Variants in SUGP2 observed in about 807,000 individuals in gnomAD.
SUGP2 encodes the protein SURP and G-patch domain containing 2, also known as SURP and G-patch domain-containing protein 2.
SUGP2 carries 24 observed loss-of-function variants against 90.5 expected under a neutral mutation model. That is an observed-to-expected ratio of 0.27 (90% CI 0.19 to 0.37). The LOEUF (loss-of-function observed/expected upper bound fraction) is 0.37, where lower values mean the gene tolerates loss of function less well. Among genes scored for constraint, SUGP2 ranks in the 10% least tolerant of loss-of-function variants. The probability of loss-of-function intolerance (pLI) is 1.00; values close to 1 mark genes in which losing one functional copy is unlikely to be tolerated. For missense variants in SUGP2, 1,233 were observed against 1,363.3 expected, an observed-to-expected ratio of 0.90 and a Z score of 1.51; for synonymous variants, 473 against 513.4, an observed-to-expected ratio of 0.92 and a Z score of 1.06.
intron 8 of SUGP2, among the ~76,000 whole-genome samples, chr19:18,997,845 G>C (rs888338513): frequency 2.7e-5 from 4 of 150,558 alleles, no homozygotes; most frequent in African/African-American, 9.7e-5. Flanking sequence ...ATAGCACTTT[G>C]ACAGGTGGGA....
Position 19,024,857 on chromosome 19 carries a change from T to C in SUGP2, c.1491A>G (p.Lys497=). 1 of 1,614,146 alleles carries C rather than the reference T, an allele frequency of 6.2e-7. No homozygotes were observed. ...CTTGCAGGCCGACAGCTTCTAAGAT[T>C]TTCTCCTGCCGGAAAGAAGAGGCCA... ...FSLASSFRQE[K]ILEAVGLQDI... is the part of the protein sequence containing the mutation. Residue 497 remains lysine (K), a synonymous_variant, in exon 3 of 11, where the codon AAA becomes AAG. Coordinates refer to ENST00000452918, the MANE Select transcript of SUGP2 (RefSeq NM_001017392.5).
At position 18,992,194 on chromosome 19, in the gene SUGP2, GCGCCCGCCACCA is replaced by G. The variant is rs1460357144; in HGVS notation, c.*1535_*1546del. ...GCCTCCTGAGTAGCTGGGACTACAA[GCGCCCGCCACCA>G]CGCCCAGCTAATTTTTTGCATTTTT... On this transcript the variant is annotated 3_prime_UTR_variant, in exon 11 of 11. Transcript: ENST00000452918. The G allele has an allele frequency of 4.0e-5, 6 of 151,790 alleles. No individual in the cohort carries two copies. The highest frequency in any genetic ancestry group is 8.8e-5 in the Non-Finnish European group (6 of 68,074). The allele number at this position is 151,790 out of a possible 1,614,324, so 9.4% of individuals were successfully genotyped here.
At chr19:19,002,357 G>A (rs2057869804) in intron 7 of SUGP2, among the ~76,000 whole-genome samples, 1 of 150,954 alleles carries the variant, frequency 6.6e-6, no homozygotes. Flanking sequence ...TCCAGCCTGG[G>A]CGACAAGAAC....
chr19:19,007,294 C>T (rs2058114831), intron 6 of SUGP2: 2 of 152,236 alleles, frequency 1.3e-5, no homozygotes, highest in Non-Finnish European at 1.5e-5. Context: ...GCTGTCAGAC[C>T]TGGGCAAGGG....
Position 18,995,125 on chromosome 19 carries a change from C to T in SUGP2, c.3128+19G>A. Reference sequence around the variant, plus strand: ...ACTGAGGCCCCACCCACTCCCACCCCAGGCTGCCTGCTGCGTACACGCTGA... The same window carrying T: ...ACTGAGGCCCCACCCACTCCCACCCTAGGCTGCCTGCTGCGTACACGCTGA... On this transcript the variant is annotated intron_variant, in intron 9 of 10. Transcript: ENST00000452918. The T allele has an allele frequency of 6.2e-7, 1 of 1,606,568 alleles. No homozygotes were observed. The highest frequency in any genetic ancestry group is 1.1e-5 in the South Asian group (1 of 90,144).
At position 19,024,777 on chromosome 19, in the gene SUGP2, CCAAA is replaced by C; in HGVS notation, c.1567_1570del (p.Phe523GlyfsTer5). The C allele has an allele frequency of 6.2e-7, 1 of 1,614,134 alleles. No individual in the cohort carries two copies. Among genetic ancestry groups the C allele is most frequent in the Non-Finnish European group, 8.5e-7 (1 of 1,180,038 alleles). ...CTTCAGGTGGTCTATGTACTCTCGC[CCAAA>C]CAAAGTGGAGTCTTCGAAGTTTGGA... On this transcript the variant is annotated frameshift_variant, in exon 3 of 11. Transcript: ENST00000452918. LOFTEE classifies it high-confidence loss of function.
At chr19:18,994,702 T>C (rs1290601602) in intron 9 of SUGP2, 3 of 612,996 alleles carry the variant, frequency 4.9e-6, no homozygotes, top group Non-Finnish European at 8.3e-6. Context: ...AGGGCCCTGG[T>C]TACCTCGGAA....
chr19:18,996,575 C>T (rs564718497), intron 8 of SUGP2, among the ~76,000 whole-genome samples: 3 of 150,780 alleles, frequency 2.0e-5, no homozygotes, highest in South Asian at 4.2e-4. Flanking sequence ...TTTTTTAAGA[C>T]GGAGTCTTGC....
intron 1 of SUGP2, chr19:19,033,179 G>T: frequency 4.6e-6 from 1 of 217,338 alleles, no homozygotes; most frequent in Non-Finnish European, 8.3e-6. Flanking sequence ...CGGGAGGAAT[G>T]AATGAACGAC....
rs2058261270 is a variant in SUGP2, at chr19:19,010,313, T to C, written c.1880A>G (p.Tyr627Cys). Residue 627 changes from tyrosine to cysteine, a missense_variant, in exon 5 of 11, where the codon TAT (tyrosine) becomes TGT (cysteine). Around this residue, in one of 8 missense-constraint regions of SUGP2, gnomAD observed 540 missense variants for 542.6 expected, o/e 1.00. Coordinates refer to ENST00000452918, the MANE Select transcript of SUGP2 (RefSeq NM_001017392.5). Reference protein sequence around the residue: ...WFLSDENSLEYKYYKLKLAEM... With the variant: ...WFLSDENSLECKYYKLKLAEM... ...TGCCAACTTCAGCTTGTAATATTTATACTCCAGACTATTTTCATCAGACAA... is the reference window on the plus strand; with the variant it reads ...TGCCAACTTCAGCTTGTAATATTTACACTCCAGACTATTTTCATCAGACAA... 5 of 1,612,588 alleles carry C rather than the reference T, an allele frequency of 3.1e-6. No homozygotes were observed. Among genetic ancestry groups the C allele is most frequent in the Non-Finnish European group, 3.4e-6 (4 of 1,179,752 alleles).
At position 19,024,695 on chromosome 19, in the gene SUGP2, C is replaced by A; in HGVS notation, c.1653G>T (p.Pro551=). The A allele has an allele frequency of 6.2e-7, 1 of 1,614,196 alleles. No homozygotes were observed. Among genetic ancestry groups the A allele is most frequent in the Non-Finnish European group, 8.5e-7 (1 of 1,180,042 alleles). ...GAATCATTTTCTCCTCCTCTCGCAT[C>A]GGCTCTGGTTCGGCTTTCTTAACCT... ...PLQVKKAEPE[P]MREEEKMIPP... Residue 551 remains proline (P), a synonymous_variant, in exon 3 of 11, where the codon CCG becomes CCT. Coordinates refer to ENST00000452918, the MANE Select transcript of SUGP2 (RefSeq NM_001017392.5).
Position 18,993,470 on chromosome 19 carries a change from A to AG in SUGP2, c.*270dup, listed in dbSNP as rs994863840. ...TTTCGGGGGCAGCGCCACCTTCTGAAGGGGAACCAAGACAGATTTGGAGGG... is the reference window on the plus strand; with the variant it reads ...TTTCGGGGGCAGCGCCACCTTCTGAAGGGGGAACCAAGACAGATTTGGAGGG... On this transcript the variant is annotated 3_prime_UTR_variant, in exon 11 of 11. Transcript: ENST00000452918. 1 of 152,260 alleles carries AG rather than the reference A, an allele frequency of 6.6e-6. No individual in the cohort carries two copies. Among genetic ancestry groups the AG allele is most frequent in the African/African-American group, 2.4e-5 (1 of 41,450 alleles). The allele number at this position is 152,260 out of a possible 1,614,324, so 9.4% of individuals were successfully genotyped here. A position where few individuals can be genotyped will look rare whatever the true frequency, so the allele number is the denominator to read the frequency against.
chr19:18,994,317 A>T (rs1240208553), intron 10 of SUGP2, 49 bp downstream of exon 10: 2 of 1,589,504 alleles, frequency 1.3e-6, no homozygotes, highest in Non-Finnish European at 1.7e-6. Context: ...TCTGCATACC[A>T]GCACGCCAGC....
rs763924180 is a variant in SUGP2 at position 19,025,301 on chromosome 19, T to G, written c.1047A>C (p.Gln349His). The G allele has an allele frequency of 6.2e-7, 1 of 1,613,146 alleles. No individual in the cohort carries two copies. Among genetic ancestry groups the G allele is most frequent in the African/African-American group, 1.3e-5 (1 of 74,838 alleles). The change falls in exon 3 of 11, where the codon CAA (glutamine) becomes CAC (histidine). Residue 349 changes from glutamine (Q) to histidine (H), a missense_variant. Physicochemically the swap from Gln to His is conservative, Grantham distance 24. Around this residue, in one of 8 missense-constraint regions of SUGP2, gnomAD observed 55 missense variants for 82.0 expected, o/e 0.67. Transcript: ENST00000452918. ...HTIKDDIKFS[Q>H]LFQTLFELET... ...CAAGTTCAAAGAGAGTCTGGAAAAG[T>G]TGGGAAAATTTAATATCATCTTTTA...
At position 18,994,528 on chromosome 19, in the gene SUGP2, G is replaced by C. The variant is rs201880547; in HGVS notation, c.3129-42C>G. On this transcript the variant is annotated intron_variant, in intron 9 of 10. Coordinates refer to ENST00000452918, the MANE Select transcript of SUGP2 (RefSeq NM_001017392.5). ...AGAGTCAGTTGTGCACCTGAGCCCAGGGCCTGGCATGCCAGGAACTGGGCA... is the reference window on the plus strand; with the variant it reads ...AGAGTCAGTTGTGCACCTGAGCCCACGGCCTGGCATGCCAGGAACTGGGCA... 1.9e-6 allele frequency: 3 copies of C among 1,607,078 alleles called. No individual in the cohort carries two copies. In the East Asian group the frequency reaches 6.7e-5, roughly 36 times the overall value.
At chr19:19,015,042 A>G (rs2058446420) in intron 4 of SUGP2, among the ~76,000 whole-genome samples, 1 of 151,886 alleles carries the variant, frequency 6.6e-6, no homozygotes. Context: ...TCTACTAAAA[A>G]TACAAAAAAA....
At chr19:19,001,984 T>C (rs2057852492) in intron 7 of SUGP2, among the ~76,000 whole-genome samples, 1 of 152,176 alleles carries the variant, frequency 6.6e-6, no homozygotes, top group South Asian at 2.1e-4. Context: ...AAAGATCCAA[T>C]ACATGGATTA....
intron 1 of SUGP2, among the ~76,000 whole-genome samples, chr19:19,031,349 C>T (rs1230538846): frequency 6.6e-6 from 1 of 152,046 alleles, no homozygotes; most frequent in Admixed American, 6.6e-5. Context: ...GCCTGGCCAA[C>T]ATGGCAAAAC....
chr19:19,014,537 C>A (rs2058423088), intron 4 of SUGP2, among the ~76,000 whole-genome samples: 1 of 151,942 alleles, frequency 6.6e-6, no homozygotes, highest in African/African-American at 2.4e-5. Context: ...GACATGATGG[C>A]TCATGCCTGT....
Sources: allele counts gnomAD v4.1 joint callset (sites outside exome capture counted in the v4.1 genomes callset), GRCh38; gene constraint gnomAD v4.1.1; regional missense constraint gnomAD v4.1.1; transcripts MANE v1.5; gene names NCBI Gene and HGNC (gene_info 2026-07-23, HGNC 2026-07-21).